REV3L: variants seen among roughly 807,000 people sequenced by gnomAD.
REV3L encodes DNA polymerase zeta catalytic subunit.
REV3L carries 69 observed loss-of-function variants against 299.4 expected under a neutral mutation model. The observed-to-expected ratio is 0.23, with a 90% confidence interval of 0.19 to 0.28. REV3L has a LOEUF of 0.28. Among genes scored for constraint, REV3L ranks in the 10% least tolerant of loss-of-function variants. The pLI is 1.00. For missense variants in REV3L, 3,128 were observed against 3,693.8 expected (o/e 0.85, Z 3.97); for synonymous variants, 1,238 against 1,271.4 (o/e 0.97, Z 0.56).
chr6:111,402,329 T>C (rs530423651), intron 4 of REV3L, among the ~76,000 whole-genome samples: 2 of 152,160 alleles, frequency 1.3e-5, no homozygotes, highest in Admixed American at 6.5e-5. Context: ...TAAGAGAATA[T>C]GCATTTGAGG....
At chr6:111,419,394 T>A (rs893886690) in intron 1 of REV3L, among the ~76,000 whole-genome samples, 10 of 152,104 alleles carry the variant, frequency 6.6e-5, no homozygotes. Flanking sequence ...TTGGAAATAG[T>A]ATGTCTTTTA....
chr6:111,435,642 A>G (rs1787459716), intron 1 of REV3L, among the ~76,000 whole-genome samples: 1 of 152,222 alleles, frequency 6.6e-6, no homozygotes, highest in Non-Finnish European at 1.5e-5. Flanking sequence ...GAACCTCCTT[A>G]TCTCTCACCA....
At chr6:111,328,021 C>T (rs1775018376) in intron 25 of REV3L, among the ~76,000 whole-genome samples, 1 of 152,100 alleles carries the variant, frequency 6.6e-6, no homozygotes, top group Non-Finnish European at 1.5e-5. Context: ...ATGAAAAGAT[C>T]ACAATATAAC....
intron 20 of REV3L, among the ~76,000 whole-genome samples, chr6:111,347,580 C>T (rs919502045): frequency 1.3e-5 from 2 of 152,146 alleles, no homozygotes; most frequent in African/African-American, 2.4e-5. Flanking sequence ...TTTCAAAGAG[C>T]AGAAGCAATT....
In REV3L at chr6:111,399,555, TG is replaced by T. The variant is rs1270735552; in HGVS notation, c.565+5914del. Among the ~76,000 whole-genome samples the T allele has an allele frequency of 3.3e-5, 5 of 152,352 alleles. No homozygotes were observed. The East Asian group carries it at 9.6e-4, about 29-fold the overall frequency. ...GTTGCCATGTCTTTCCAGTCTCCTC[TG>T]GTCTATTTATCTGTCTTTCCTTGCT... On this transcript the variant is annotated intron_variant, in intron 4 of 31. Coordinates refer to ENST00000368802, the MANE Select transcript of REV3L (RefSeq NM_001372078.1).
intron 19 of REV3L, among the ~76,000 whole-genome samples, chr6:111,350,384 C>A (rs907782489): frequency 6.6e-6 from 1 of 151,276 alleles, no homozygotes; most frequent in African/African-American, 2.4e-5. Flanking sequence ...TTAAGTTCTT[C>A]AAAATAACCC....
chr6:111,470,347 T>A (rs1321839336), intron 1 of REV3L, among the ~76,000 whole-genome samples: 1 of 152,242 alleles, frequency 6.6e-6, no homozygotes, highest in Non-Finnish European at 1.5e-5. Context: ...AATGGCCTAA[T>A]ACATGTTTTC....
intron 1 of REV3L, among the ~76,000 whole-genome samples, chr6:111,417,972 T>C (rs1177512695): frequency 1.3e-5 from 2 of 152,214 alleles, no homozygotes; most frequent in Non-Finnish European, 2.9e-5. Flanking sequence ...CTAAATTTCA[T>C]AGTTTTTCAA....
At chr6:111,344,529 T>C (rs1265677712) in intron 20 of REV3L, among the ~76,000 whole-genome samples, 2 of 152,178 alleles carry the variant, frequency 1.3e-5, no homozygotes, top group South Asian at 2.1e-4. Context: ...ACAGACATTA[T>C]AGAGCCACTC....
chr6:111,367,700 C>T lies in REV3L; in HGVS notation c.6088G>A (p.Val2030Ile). 1 of 1,614,202 alleles carries T rather than the reference C, an allele frequency of 6.2e-7. No homozygotes were observed. Among genetic ancestry groups the T allele is most frequent in the Non-Finnish European group, 8.5e-7 (1 of 1,180,028 alleles). The part of the protein sequence containing the change: ...KKLPKTKPTG[V>I]VKSAENFSSS... Reference sequence around the variant, plus strand: ...CTAAAGTTCTCAGCAGATTTTACAACTCCAGTTGGCTTGGTTTTAGGCAGT... The same window carrying T: ...CTAAAGTTCTCAGCAGATTTTACAATTCCAGTTGGCTTGGTTTTAGGCAGT... The change falls in exon 14 of 32, where the codon GTT becomes ATT. Residue 2030 changes from valine (V) to isoleucine (I), a missense_variant. Physicochemically the swap from Val to Ile is conservative, Grantham distance 29. Coordinates refer to ENST00000368802, the MANE Select transcript of REV3L (RefSeq NM_001372078.1).
intron 18 of REV3L, among the ~76,000 whole-genome samples, chr6:111,355,994 A>G (rs911612213): frequency 6.6e-5 from 10 of 152,124 alleles, no homozygotes; most frequent in African/African-American, 2.4e-4. Context: ...TTTGTTTTGT[A>G]GAAAACACAT....
intron 2 of REV3L, 53 bp from the exon 3 acceptor site, chr6:111,411,607 T>C (rs1784256269): frequency 1.7e-6 from 2 of 1,151,328 alleles, no homozygotes; most frequent in South Asian, 1.4e-5. Context: ...AGAGATGAAA[T>C]AATGCAACTT....
intron 1 of REV3L, among the ~76,000 whole-genome samples, chr6:111,475,342 C>T (rs896978544): frequency 1.3e-5 from 2 of 152,096 alleles, no homozygotes; most frequent in Non-Finnish European, 2.9e-5. Flanking sequence ...ATTTATTTGA[C>T]ATATATGCAA....
intron 31 of REV3L, among the ~76,000 whole-genome samples, chr6:111,301,643 G>A (rs531332698): frequency 1.5e-4 from 23 of 152,302 alleles, no homozygotes; most frequent in African/African-American, 5.3e-4. Context: ...CTCCAGGCAT[G>A]AAAGCCTAAG....
chr6:111,385,591 A>G (rs1193057390), intron 9 of REV3L, among the ~76,000 whole-genome samples: 2 of 152,168 alleles, frequency 1.3e-5, no homozygotes, highest in African/African-American at 4.8e-5. Flanking sequence ...CTTGACATTA[A>G]AACTGAAGAC....
At chr6:111,431,065 G>A in intron 1 of REV3L, 4 of 1,505,786 alleles carry the variant, frequency 2.7e-6, no homozygotes, top group Non-Finnish European at 3.7e-6. Flanking sequence ...ACCGCATTAT[G>A]ACTCCACATA....
At chr6:111,315,120 G>A (rs1402825404) in intron 27 of REV3L, 147 bp downstream of exon 27, 1 of 643,462 alleles carries the variant, frequency 1.6e-6, no homozygotes, top group African/African-American at 1.8e-5. Flanking sequence ...GAAGTGCCAG[G>A]ATTACAGACA....
intron 25 of REV3L, among the ~76,000 whole-genome samples, chr6:111,327,165 A>C (rs946704837): frequency 2.0e-5 from 3 of 152,254 alleles, no homozygotes; most frequent in Non-Finnish European, 4.4e-5. Context: ...CAGTATTTAC[A>C]TATTTTAAAA....
rs1582966078 is a variant in REV3L, at chr6:111,431,036, G to A, written c.140-14564C>T. 3.9e-6 allele frequency: 6 copies of A among 1,546,312 alleles called. No homozygotes were observed. In the East Asian group the frequency reaches 6.7e-5, roughly 17 times the overall value. Reference sequence around the variant, plus strand: ...ACTCCAGTGTTATATTTGAATTATGGGCCCTACAGTTCTTATGCACCGCAT... The same window carrying A: ...ACTCCAGTGTTATATTTGAATTATGAGCCCTACAGTTCTTATGCACCGCAT... On this transcript the variant is annotated intron_variant, in intron 1 of 31. Transcript: ENST00000368802.
Sources: allele counts gnomAD v4.1 joint callset (sites outside exome capture counted in the v4.1 genomes callset), GRCh38; gene constraint gnomAD v4.1.1; transcripts MANE v1.5; gene names NCBI Gene and HGNC (gene_info 2026-07-23, HGNC 2026-07-21).